The following STK3 variants were observed in gnomAD, a reference collection of about 807,000 sequenced individuals.
The protein encoded by STK3 is serine/threonine-protein kinase 3.
In STK3, 41 loss-of-function variants were observed where a neutral mutation model predicts 58.0. The ratio of observed to expected loss-of-function variants is 0.71; its 90% CI spans 0.55 to 0.92. The LOEUF is 0.92. Ranked by LOEUF, STK3 falls within the 40% of genes least tolerant of loss-of-function variation. STK3 has a pLI of 0.00. For missense variants in STK3, 479 were observed against 602.7 expected, an observed-to-expected ratio of 0.79 and a Z score of 2.15; for synonymous variants, 170 against 191.0, an observed-to-expected ratio of 0.89 and a Z score of 0.91.
intron 8 of STK3, among the ~76,000 whole-genome samples, chr8:98,566,614 T>C (rs1334560621): frequency 6.6e-6 from 1 of 152,102 alleles, no homozygotes; most frequent in African/African-American, 2.4e-5. Context: ...TTTATGAAAT[T>C]TTTCAATGGT....
At chr8:98,759,313 T>C (rs1202762899) in intron 3 of STK3, among the ~76,000 whole-genome samples, 1 of 151,970 alleles carries the variant, frequency 6.6e-6, no homozygotes, top group Non-Finnish European at 1.5e-5. Context: ...TTCAATATTG[T>C]GTCTCAAGGA....
At chr8:98,834,585 G>A (rs530167460) in intron 3 of STK3, among the ~76,000 whole-genome samples, 1 of 152,208 alleles carries the variant, frequency 6.6e-6, no homozygotes, top group Non-Finnish European at 1.5e-5. Context: ...CAAGGGCCTG[G>A]CAGATTCAGT....
intron 3 of STK3, among the ~76,000 whole-genome samples, chr8:98,849,954 G>C (rs1413790998): frequency 1.3e-5 from 2 of 152,026 alleles, no homozygotes; most frequent in African/African-American, 2.4e-5. Flanking sequence ...AAACAGAAAA[G>C]AAACAACTGT....
At chr8:98,539,497 A>C (rs1420814216) in intron 9 of STK3, among the ~76,000 whole-genome samples, 2 of 151,982 alleles carry the variant, frequency 1.3e-5, no homozygotes, top group African/African-American at 4.8e-5. Context: ...TTCCAGAGTA[A>C]CTCCTAAAAA....
chr8:98,875,809 T>C (rs1837543040), intron 3 of STK3: 1 of 152,228 alleles, frequency 6.6e-6, no homozygotes, highest in African/African-American at 2.4e-5. Flanking sequence ...TCTCAATGCA[T>C]GGTAGATCAT....
At chr8:98,370,092 T>A (rs1198559373), downstream of STK3, among the ~76,000 whole-genome samples, 1 of 149,472 alleles carries the variant, frequency 6.7e-6, no homozygotes, top group Non-Finnish European at 1.5e-5. Context: ...ATTTTGATTT[T>A]TTTTTTTTTT....
downstream of STK3, among the ~76,000 whole-genome samples, chr8:98,370,185 G>A (rs913693078): frequency 2.0e-5 from 3 of 150,752 alleles, no homozygotes; most frequent in South Asian, 2.1e-4. Context: ...AGTAGCCCCC[G>A]GGAACCCTGG....
At chr8:98,792,904 G>GTA (rs1832899235) in intron 1 of STK3, among the ~76,000 whole-genome samples, 2 of 151,340 alleles carry the variant, frequency 1.3e-5, no homozygotes, top group South Asian at 4.2e-4. Flanking sequence ...GTATGTGTGT[G>GTA]TGTGTGTGTG....
chr8:98,782,280 CA>C, intron 1 of STK3: 1 of 173,990 alleles, frequency 5.7e-6, no homozygotes, highest in Non-Finnish European at 1.2e-5. Flanking sequence ...CATAGGTAAA[CA>C]AAAAGGGTAC....
In STK3 at chr8:98,478,922, C is replaced by T. The variant is rs182147268; in HGVS notation, c.1318-22922G>A. 4.1e-4 allele frequency among the ~76,000 whole-genome samples: 62 copies of T among 152,272 alleles called. 1 individual carries two copies. Among genetic ancestry groups the T allele is most frequent in the Admixed American group, 3.6e-3 (55 of 15,306 alleles). Reference sequence around the variant, plus strand: ...GAGCTTCTGTCGTTATCTTGTTCTGCGATTTTCCTCTCTCCCTATGTTCCT... The same window carrying T: ...GAGCTTCTGTCGTTATCTTGTTCTGTGATTTTCCTCTCTCCCTATGTTCCT... On this transcript the variant is annotated intron_variant, in intron 10 of 10. Transcript: ENST00000419617.
At chr8:98,890,708 C>G (rs1213174506) in intron 1 of STK3, among the ~76,000 whole-genome samples, 3 of 152,158 alleles carry the variant, frequency 2.0e-5, no homozygotes, top group African/African-American at 7.2e-5. Context: ...CAGCAAGAAT[C>G]CCTTGAAGAA....
intron 10 of STK3, among the ~76,000 whole-genome samples, chr8:98,466,305 A>G: frequency 6.6e-6 from 1 of 152,196 alleles, no homozygotes; most frequent in East Asian, 1.9e-4. Context: ...ACCTCTGTGG[A>G]GCAATAATAT....
intron 3 of STK3, among the ~76,000 whole-genome samples, chr8:98,760,549 G>A (rs542589967): frequency 1.3e-5 from 2 of 152,296 alleles, no homozygotes; most frequent in South Asian, 4.1e-4. Context: ...GGAAGCAGAG[G>A]TGAAATATGA....
chr8:98,871,558 T>C (rs932778840), intron 3 of STK3, among the ~76,000 whole-genome samples: 11 of 152,276 alleles, frequency 7.2e-5, no homozygotes, highest in Admixed American at 5.2e-4. Flanking sequence ...AGGTCCTTCA[T>C]GTCCCTTGTA....
chr8:98,595,816 T>C (rs1815773005), intron 7 of STK3: 1 of 434,840 alleles, frequency 2.3e-6, no homozygotes. Context: ...AAGATTCCTT[T>C]CTGAAAGGAG....
chr8:98,860,205 A>G (rs1836874580), intron 3 of STK3, among the ~76,000 whole-genome samples: 1 of 152,242 alleles, frequency 6.6e-6, no homozygotes, highest in Admixed American at 6.5e-5. Context: ...TAAAGGATCA[A>G]AATAGATGTG....
intron 3 of STK3, among the ~76,000 whole-genome samples, chr8:98,859,491 A>G (rs189038799): frequency 6.6e-6 from 1 of 152,314 alleles, no homozygotes; most frequent in Admixed American, 6.5e-5. Flanking sequence ...GGGGCACAGG[A>G]ATCTAGGCGT....
intron 6 of STK3, among the ~76,000 whole-genome samples, chr8:98,671,222 T>C (rs184790232): frequency 5.9e-5 from 9 of 152,230 alleles, no homozygotes; most frequent in Admixed American, 5.9e-4. Context: ...TCCAGAAACA[T>C]TACCTATGAA....
chr8:98,898,271 T>TC (rs1223732405), intron 1 of STK3, among the ~76,000 whole-genome samples: 1 of 152,226 alleles, frequency 6.6e-6, no homozygotes, highest in East Asian at 1.9e-4. Flanking sequence ...TGTGAAAGCA[T>TC]CATCAGTTTA....
Sources: allele counts gnomAD v4.1 joint callset (sites outside exome capture counted in the v4.1 genomes callset), GRCh38; gene constraint gnomAD v4.1.1; transcripts MANE v1.5; gene names NCBI Gene and HGNC (gene_info 2026-07-23, HGNC 2026-07-21).